MBNL2: variants seen among roughly 807,000 people sequenced by gnomAD.
MBNL2 encodes muscleblind like splicing regulator 2, also known as muscleblind-like protein 2.
MBNL2 carries 17 observed loss-of-function variants against 41.9 expected under a neutral mutation model. The ratio of observed to expected loss-of-function variants is 0.41; its 90% CI spans 0.28 to 0.61. The LOEUF is 0.61. MBNL2 is among the 20% of genes least tolerant of loss of function. The probability of loss-of-function intolerance (pLI) is 0.35; values close to 1 mark genes in which losing one functional copy is unlikely to be tolerated. For missense variants in MBNL2, 336 were observed against 505.6 expected (o/e 0.66, Z 3.22); for synonymous variants, 195 against 182.9 (o/e 1.07, Z -0.53).
At chr13:97,213,642 T>TC in the MBNL2 span, among the ~76,000 whole-genome samples, 7,665 of 152,068 alleles carry the variant, frequency 0.05, 256 homozygotes, top group South Asian at 0.14. Flanking sequence ...ATTCTCGGGG[T>TC]CCCATCTACA....
chr13:97,241,935 TCAAA>T (rs1429595038), intron 1 of MBNL2, among the ~76,000 whole-genome samples: 3 of 152,034 alleles, frequency 2.0e-5, no homozygotes, highest in East Asian at 1.9e-4. Flanking sequence ...AGGAAACCAC[TCAAA>T]CAAAAGCCAA....
At chr13:97,348,922 G>A (rs1016646132) in intron 5 of MBNL2, among the ~76,000 whole-genome samples, 4 of 152,180 alleles carry the variant, frequency 2.6e-5, no homozygotes, top group African/African-American at 9.6e-5. Flanking sequence ...GGGATACAGC[G>A]AGAAAGGCAC....
chr13:97,389,090 T>TA (rs1396447811), intron 8 of MBNL2, among the ~76,000 whole-genome samples: 1 of 152,232 alleles, frequency 6.6e-6, no homozygotes, highest in Non-Finnish European at 1.5e-5. Flanking sequence ...TTTATTCATA[T>TA]AATAGCTCAT....
At position 97,242,766 on chromosome 13, in the gene MBNL2, C is replaced by CT. The variant is rs75897334; in HGVS notation, c.-605+20248dup. On this transcript the variant is annotated intron_variant, in intron 1 of 8. Transcript: ENST00000679496. ...TGGAATAAGCAGGACTTACTTGTTC[C>CT]TTTTTTTTTTTTTCCCCCCTCCTGT... Among the ~76,000 whole-genome samples, 819 of 144,736 alleles carry CT rather than the reference C, an allele frequency of 5.7e-3. 3 individuals carry two copies. The highest frequency in any genetic ancestry group is 0.018 in the African/African-American group (700 of 39,818). The allele number at this position is 144,736 out of a possible 152,430, so 95.0% of individuals were successfully genotyped here.
chr13:97,321,139 G>A (rs1471499370), intron 2 of MBNL2, among the ~76,000 whole-genome samples: 2 of 152,112 alleles, frequency 1.3e-5, no homozygotes, highest in Admixed American at 1.3e-4. Context: ...CACATGCAGG[G>A]AGACACAATT....
chr13:97,215,708 G>A, the MBNL2 span, among the ~76,000 whole-genome samples: 2 of 152,108 alleles, frequency 1.3e-5, no homozygotes, highest in African/African-American at 2.4e-5. Flanking sequence ...ACTTACTAAG[G>A]TATTTGGATA....
rs555811716 is a variant in MBNL2, at chr13:97,372,229, A to G, written c.1048+7058A>G. Among the ~76,000 whole-genome samples, 8 of 152,274 alleles carry G rather than the reference A, an allele frequency of 5.3e-5. No homozygotes were observed. In the East Asian group the frequency reaches 1.5e-3, roughly 29 times the overall value. On this transcript the variant is annotated intron_variant, in intron 8 of 8. Transcript: ENST00000679496. ...TTAGAAGCTAACGAAATCAGATTATATTCTGGGCAATATGTTAACCAACAC... is the reference window on the plus strand; with the variant it reads ...TTAGAAGCTAACGAAATCAGATTATGTTCTGGGCAATATGTTAACCAACAC...
At chr13:97,349,225 T>A (rs1298467660) in intron 5 of MBNL2, among the ~76,000 whole-genome samples, 1 of 151,934 alleles carries the variant, frequency 6.6e-6, no homozygotes, top group Non-Finnish European at 1.5e-5. Context: ...AGAGAAATTC[T>A]CCCTTTTTTT....
At chr13:97,287,483 C>T (rs1477086106) in intron 2 of MBNL2, among the ~76,000 whole-genome samples, 1 of 151,992 alleles carries the variant, frequency 6.6e-6, no homozygotes, top group Non-Finnish European at 1.5e-5. Flanking sequence ...TTAGCATATC[C>T]ATCAAACATT....
the MBNL2 span, among the ~76,000 whole-genome samples, chr13:97,164,417 A>G: frequency 6.6e-6 from 1 of 152,220 alleles, no homozygotes; most frequent in Non-Finnish European, 1.5e-5. Context: ...TCTTAGTGCA[A>G]TGCCTGGTAC....
chr13:97,213,331 C>T, the MBNL2 span, among the ~76,000 whole-genome samples: 1 of 152,022 alleles, frequency 6.6e-6, no homozygotes, highest in South Asian at 2.1e-4. Context: ...AACCATTTTA[C>T]CTGGGCCAGA....
the MBNL2 span, among the ~76,000 whole-genome samples, chr13:97,204,764 G>C: frequency 3.9e-5 from 6 of 152,196 alleles, no homozygotes; most frequent in African/African-American, 1.4e-4. Flanking sequence ...GGGTCCCCCA[G>C]GTCAATGTAA....
Position 97,328,459 on chromosome 13 carries a change from G to A in MBNL2, c.175-5817G>A, listed in dbSNP as rs74106917. On this transcript the variant is annotated intron_variant, in intron 2 of 8. Transcript: ENST00000679496. ...CCTTAGGGCCAGCACTTGCCGTTCC[G>A]CGGCCTGGCCTGCTTGCTTGAAAAT... Among the ~76,000 whole-genome samples the A allele has an allele frequency of 7.1e-3, 1,077 of 152,326 alleles. 13 individuals carry two copies. Among genetic ancestry groups the A allele is most frequent in the African/African-American group, 0.025 (1,041 of 41,572 alleles).
At chr13:97,362,508 C>A (rs1490500514) in intron 7 of MBNL2, among the ~76,000 whole-genome samples, 1 of 151,834 alleles carries the variant, frequency 6.6e-6, no homozygotes, top group African/African-American at 2.4e-5. Flanking sequence ...GTGGGAAGTT[C>A]AAAAATAGGG....
At chr13:97,207,167 A>C in the MBNL2 span, among the ~76,000 whole-genome samples, 1 of 152,244 alleles carries the variant, frequency 6.6e-6, no homozygotes, top group Non-Finnish European at 1.5e-5. Flanking sequence ...TACACACTCT[A>C]TGATGGGCAC....
chr13:97,289,216 G>C (rs1203325564), intron 2 of MBNL2, among the ~76,000 whole-genome samples: 3 of 152,206 alleles, frequency 2.0e-5, no homozygotes, highest in Non-Finnish European at 4.4e-5. Context: ...AAACTTATGT[G>C]TTGAAAAGTA....
the MBNL2 span, among the ~76,000 whole-genome samples, chr13:97,147,301 A>C: frequency 6.6e-6 from 1 of 152,178 alleles, no homozygotes; most frequent in Non-Finnish European, 1.5e-5. Flanking sequence ...TTTAAGTTCA[A>C]AATGTATGAA....
the MBNL2 span, among the ~76,000 whole-genome samples, chr13:97,204,862 T>G: frequency 6.6e-6 from 1 of 151,974 alleles, no homozygotes; most frequent in Middle Eastern, 3.2e-3. Context: ...TCACCTGAGG[T>G]CAGGAGTTTG....
the MBNL2 span, among the ~76,000 whole-genome samples, chr13:97,145,266 C>A: frequency 6.6e-6 from 1 of 152,030 alleles, no homozygotes; most frequent in Non-Finnish European, 1.5e-5. Flanking sequence ...TGCACTGTAA[C>A]CTGACCAGGC....
Sources: allele counts gnomAD v4.1 joint callset (sites outside exome capture counted in the v4.1 genomes callset), GRCh38; gene constraint gnomAD v4.1.1; transcripts MANE v1.5; gene names NCBI Gene and HGNC (gene_info 2026-07-23, HGNC 2026-07-21).